The following GJA3 variants were observed in gnomAD, a reference collection of about 807,000 sequenced individuals.
The protein encoded by GJA3 is gap junction protein alpha 3.
For synonymous variants in GJA3, 297 were observed against 292.6 expected, an observed-to-expected ratio of 1.02 and a Z score of -0.15; for missense variants, 571 against 620.3, an observed-to-expected ratio of 0.92 and a Z score of 0.84.
chr13:20,160,042 T>C (rs1327286625), intron 1 of GJA3, among the ~76,000 whole-genome samples: 1 of 152,168 alleles, frequency 6.6e-6, no homozygotes, highest in East Asian at 1.9e-4. Flanking sequence ...TGGAGACATC[T>C]TGATAAAATA....
chr13:20,146,914 G>T (rs1958846491), intron 1 of GJA3, among the ~76,000 whole-genome samples: 2 of 152,168 alleles, frequency 1.3e-5, no homozygotes, highest in Non-Finnish European at 2.9e-5. Context: ...CCGTGCTCTG[G>T]CCAACCCAGC....
In GJA3 at chr13:20,139,427, T is replaced by G. The variant is rs775494493; in HGVS notation, c.*2554A>C. On this transcript the variant is annotated 3_prime_UTR_variant, in exon 2 of 2. Transcript: ENST00000241125. ...TGCCCACAGAGAGAGGCAATTTCTA[T>G]TTTTATTGCATGTTTCAATGTCTTA... The G allele has an allele frequency of 1.3e-5, 2 of 152,130 alleles. No individual in the cohort carries two copies. The highest frequency in any genetic ancestry group is 2.9e-5 in the Non-Finnish European group (2 of 68,018). 9.4% of individuals were successfully genotyped at this position (152,130 alleles called of 1,614,324 possible).
At position 20,146,260 on chromosome 13, in the gene GJA3, A is replaced by G. The variant is rs1234337944; in HGVS notation, c.-17-2955T>C. 4.6e-5 allele frequency among the ~76,000 whole-genome samples: 7 copies of G among 152,176 alleles called. No homozygotes were observed. The East Asian group carries it at 1.3e-3, about 29-fold the overall frequency. On this transcript the variant is annotated intron_variant, in intron 1 of 1. Transcript: ENST00000241125. The stretch of plus-strand genomic sequence containing the variant: ...TCTGCTGCCCGTCACAGACTGGACA[A>G]TGCCACTGGCGTTTCCCTGTGGGGC...
rs576519606 is a variant in GJA3, at chr13:20,142,579, C to T, written c.710G>A (p.Arg237His). 3.7e-6 allele frequency: 6 copies of T among 1,603,898 alleles called. No individual in the cohort carries two copies. In the African/African-American group the frequency reaches 8.0e-5, roughly 21 times the overall value. ...GGCCTCGGAGGCGTCCGGGCCGAGG[C>T]GGCTGGTCACGCCCTGCTTGAGCTT... ...WKKLKQGVTSRLGPDASEAPL... is the reference protein window; with the variant it reads ...WKKLKQGVTSHLGPDASEAPL... The change falls in exon 2 of 2, where the codon CGC (arginine) becomes CAC (histidine). Residue 237 changes from arginine to histidine, a missense_variant. Physicochemically the swap from Arg to His is conservative, Grantham distance 29. Coordinates refer to ENST00000241125, the MANE Select transcript of GJA3 (RefSeq NM_021954.4).
At position 20,142,340 on chromosome 13, in the gene GJA3, C is replaced by A; in HGVS notation, c.949G>T (p.Gly317Cys). ...TCAGTCATCAGCAGGTGGTGGTGGC[C>A]GTTGTAGAGCTTGGCGGACTGGCCC... ...GKGQSAKLYN[G>C]HHHLLMTEQN... is the part of the protein sequence containing the mutation. The change falls in exon 2 of 2, where the codon GGC (glycine) becomes TGC (cysteine). Residue 317 changes from glycine (G) to cysteine (C), a missense_variant. Gly to Cys is a radical substitution (Grantham distance 159). Coordinates refer to ENST00000241125, the MANE Select transcript of GJA3 (RefSeq NM_021954.4). The A allele has an allele frequency of 1.3e-6, 2 of 1,559,276 alleles. No individual in the cohort carries two copies. The highest frequency in any genetic ancestry group is 2.4e-5 in the East Asian group (1 of 42,012).
intron 1 of GJA3, among the ~76,000 whole-genome samples, chr13:20,148,364 AT>A (rs1260745630): frequency 1.4e-5 from 2 of 145,548 alleles, no homozygotes; most frequent in Admixed American, 7.2e-5. Flanking sequence ...AGCTCCGGTG[AT>A]TCTCCCACCT....
At chr13:20,161,311 C>T (rs1358178972), upstream of GJA3, among the ~76,000 whole-genome samples, 3 of 152,160 alleles carry the variant, frequency 2.0e-5, no homozygotes, top group Non-Finnish European at 2.9e-5. Context: ...TTCCCTGCCG[C>T]CTACGCACTC....
Position 20,142,563 on chromosome 13 carries a change from G to A in GJA3, c.726C>T (p.Ala242=). The part of the protein sequence containing the change: ...QGVTSRLGPD[A]SEAPLGTADP... ...CGGCTGTCCCCAGCGGGGCCTCGGA[G>A]GCGTCCGGGCCGAGGCGGCTGGTCA... The change falls in exon 2 of 2, where the codon GCC becomes GCT. Residue 242 remains alanine (A), a synonymous_variant. Transcript: ENST00000241125. 2 of 1,587,876 alleles carry A rather than the reference G, an allele frequency of 1.3e-6. No individual in the cohort carries two copies. Among genetic ancestry groups the A allele is most frequent in the South Asian group, 1.1e-5 (1 of 88,532 alleles).
At chr13:20,159,486 A>G (rs1326858122) in intron 1 of GJA3, among the ~76,000 whole-genome samples, 1 of 138,834 alleles carries the variant, frequency 7.2e-6, no homozygotes, top group South Asian at 2.5e-4. Flanking sequence ...AAAAAAAAAA[A>G]GGCTGCGATA....
chr13:20,155,764 T>G (rs1326854333), intron 1 of GJA3, among the ~76,000 whole-genome samples: 1 of 151,956 alleles, frequency 6.6e-6, no homozygotes, highest in South Asian at 2.1e-4. Flanking sequence ...ATCTTTTCAA[T>G]AGATAATGAA....
intron 1 of GJA3, among the ~76,000 whole-genome samples, chr13:20,146,002 G>T (rs1463366072): frequency 6.6e-6 from 1 of 152,220 alleles, no homozygotes; most frequent in African/African-American, 2.4e-5. Flanking sequence ...CTCTGAGGAC[G>T]GGGCAGGCAT....
chr13:20,152,557 G>A (rs1054819131), intron 1 of GJA3, among the ~76,000 whole-genome samples: 1 of 152,036 alleles, frequency 6.6e-6, no homozygotes, highest in Non-Finnish European at 1.5e-5. Flanking sequence ...GCTAATTTTT[G>A]TATTTTTAGT....
Position 20,142,499 on chromosome 13 carries a change from C to A in GJA3, c.790G>T (p.Val264Phe). 1 of 1,550,746 alleles carries A rather than the reference C, an allele frequency of 6.4e-7. No individual in the cohort carries two copies. The change falls in exon 2 of 2, where the codon GTT becomes TTT. Residue 264 changes from valine to phenylalanine, a missense_variant. Transcript: ENST00000241125. ...PLPPSSRPPA[V>F]AIGFPPYYAH... is the part of the protein sequence containing the mutation. ...TAGTAGGGTGGGAACCCGATGGCAACGGCGGGCGGCCGGGAGCTGGGGGGC... is the reference window on the plus strand; with the variant it reads ...TAGTAGGGTGGGAACCCGATGGCAAAGGCGGGCGGCCGGGAGCTGGGGGGC...
chr13:20,142,242 A>C lies in GJA3; in HGVS notation c.1047T>G (p.Pro349=). Residue 349 remains proline, a synonymous_variant, in exon 2 of 2, where the codon CCT becomes CCG. Coordinates refer to ENST00000241125, the MANE Select transcript of GJA3 (RefSeq NM_021954.4). ...TGCTGCCGACGGGGCTGGGGGCTGCAGGCGTGGACGCTGCCGGGTAAGCCT... is the reference window on the plus strand; with the variant it reads ...TGCTGCCGACGGGGCTGGGGGCTGCCGGCGTGGACGCTGCCGGGTAAGCCT... The part of the protein sequence containing the change: ...ALKAYPAAST[P]AAPSPVGSSS... The C allele has an allele frequency of 1.3e-6, 2 of 1,535,276 alleles. No homozygotes were observed. The highest frequency in any genetic ancestry group is 1.7e-6 in the Non-Finnish European group (2 of 1,145,390).
chr13:20,159,456 CAAAAAAAAAAAAAA>C (rs57613247), intron 1 of GJA3, among the ~76,000 whole-genome samples: 13 of 51,736 alleles, frequency 2.5e-4, no homozygotes, highest in African/African-American at 8.6e-4. Context: ...GACTCCATCT[CAAAAAAAAAAAAAA>C]AAAAAAAAAA....
Position 20,157,992 on chromosome 13 carries a change from C to A in GJA3, c.-18+2898G>T, listed in dbSNP as rs1958915786. Among the ~76,000 whole-genome samples the A allele has an allele frequency of 6.6e-5, 10 of 151,938 alleles. No individual in the cohort carries two copies. In the South Asian group the frequency reaches 2.1e-3, roughly 31 times the overall value. On this transcript the variant is annotated intron_variant, in intron 1 of 1. Transcript: ENST00000241125. ...GGGACTATAGGTTTGTACCACCACA[C>A]TGGGCTAATTTTATAAAAAATATTT...
intron 1 of GJA3, among the ~76,000 whole-genome samples, chr13:20,144,134 T>G (rs575698529): frequency 6.6e-6 from 1 of 152,116 alleles, no homozygotes; most frequent in African/African-American, 2.4e-5. Context: ...AGAAACAGAA[T>G]TGATAAAGGA....
At position 20,142,273 on chromosome 13, in the gene GJA3, G is replaced by T; in HGVS notation, c.1016C>A (p.Ala339Glu). The T allele has an allele frequency of 6.4e-7, 1 of 1,563,712 alleles. No homozygotes were observed. The highest frequency in any genetic ancestry group is 2.4e-5 in the East Asian group (1 of 41,466). The change falls in exon 2 of 2, where the codon GCG (alanine) becomes GAG (glutamate). Residue 339 changes from alanine (A) to glutamate (E), a missense_variant. By Grantham distance (107) the Ala-to-Glu change is moderately radical. Transcript: ENST00000241125. ...GGACGCTGCCGGGTAAGCCTTGAGCGCCGGGGGCTGCCGCTCGGCCGCCTG... is the reference window on the plus strand; with the variant it reads ...GGACGCTGCCGGGTAAGCCTTGAGCTCCGGGGGCTGCCGCTCGGCCGCCTG... ...ANQAAERQPP[A>E]LKAYPAASTP...
At chr13:20,156,453 T>C (rs9315355) in intron 1 of GJA3, among the ~76,000 whole-genome samples, 40,803 of 151,794 alleles carry the variant, frequency 0.27, 6,875 homozygotes, top group Non-Finnish European at 0.37. Flanking sequence ...ATTACAGGCG[T>C]GTGTCACCAC....
Sources: allele counts gnomAD v4.1 joint callset (sites outside exome capture counted in the v4.1 genomes callset), GRCh38; gene constraint gnomAD v4.1.1; transcripts MANE v1.5; gene names NCBI Gene and HGNC (gene_info 2026-07-23, HGNC 2026-07-21).